Variants in COG6 observed in about 807,000 individuals in gnomAD.
COG6 encodes the protein conserved oligomeric Golgi complex subunit 6.
A neutral mutation model predicts 88.8 loss-of-function variants in COG6; 74 were observed. The observed-to-expected ratio is 0.83, with a 90% CI of 0.69 to 1.01. The LOEUF is 1.01. Ranked by LOEUF, COG6 falls within the 50% of genes least tolerant of loss-of-function variation. The pLI is 0.00. For missense variants in COG6, 800 were observed against 797.9 expected (o/e 1.00, Z -0.03); for synonymous variants, 286 against 278.7 (o/e 1.03, Z -0.26).
rs1459529902 is a variant in COG6 at position 39,751,313 on chromosome 13, TG to T, written c.*221del. On this transcript the variant is annotated 3_prime_UTR_variant, in exon 19 of 19. Coordinates refer to ENST00000455146, the MANE Select transcript of COG6 (RefSeq NM_020751.3). Reference sequence around the variant, plus strand: ...TGCTGTGTATCTACTCTAAATGAGATGATCTATTTTTTTGCTAGCCATCTCT... The same window carrying T: ...TGCTGTGTATCTACTCTAAATGAGATATCTATTTTTTTGCTAGCCATCTCT... 1 of 1,487,248 alleles carries T rather than the reference TG, an allele frequency of 6.7e-7. No individual in the cohort carries two copies. The highest frequency in any genetic ancestry group is 2.0e-5 in the Admixed American group (1 of 49,724). The allele number at this position is 1,487,248 out of a possible 1,614,324, so 92.1% of individuals were successfully genotyped here.
At chr13:39,677,799 A>C (rs549281968) in intron 5 of COG6, among the ~76,000 whole-genome samples, 64 of 152,282 alleles carry the variant, frequency 4.2e-4, no homozygotes, top group African/African-American at 1.5e-3. Flanking sequence ...TATGTCACCT[A>C]TTTTACTCTT....
chr13:39,662,407 A>T (rs902485047), intron 3 of COG6, among the ~76,000 whole-genome samples: 3 of 152,072 alleles, frequency 2.0e-5, no homozygotes, highest in African/African-American at 4.8e-5. Flanking sequence ...GATTACAGAC[A>T]TGAGCCACCA....
At chr13:39,706,846 A>G (rs747800358) in intron 13 of COG6, among the ~76,000 whole-genome samples, 48 of 150,884 alleles carry the variant, frequency 3.2e-4, no homozygotes, top group Non-Finnish European at 6.2e-4. Context: ...ACCATCTCCA[A>G]CTAATTTTTG....
chr13:39,701,652 AAGT>A (rs1055929669), intron 13 of COG6, among the ~76,000 whole-genome samples: 6 of 152,068 alleles, frequency 3.9e-5, no homozygotes, highest in African/African-American at 1.4e-4. Context: ...TAAAGAGTTC[AAGT>A]AGGAGGCTTG....
chr13:39,720,785 T>C (rs1878810531), intron 15 of COG6, among the ~76,000 whole-genome samples: 1 of 152,048 alleles, frequency 6.6e-6, no homozygotes, highest in Non-Finnish European at 1.5e-5. Flanking sequence ...TTTTTTTTAG[T>C]TTTTTGTCTA....
rs564842375 is a variant in COG6, at chr13:39,699,286, A to G, written c.1167-215A>G. On this transcript the variant is annotated intron_variant, in intron 12 of 18. Coordinates refer to ENST00000455146, the MANE Select transcript of COG6 (RefSeq NM_020751.3). ...AAAGAGATTGTGAAATATTGAAAAC[A>G]TAGTAGTTTGTTTTTATTTTTTCAT... Among the ~76,000 whole-genome samples the G allele has an allele frequency of 3.9e-5, 6 of 152,002 alleles. No homozygotes were observed. The South Asian group carries it at 1.0e-3, about 26-fold the overall frequency.
intron 18 of COG6, among the ~76,000 whole-genome samples, chr13:39,764,488 A>G (rs1566043536): frequency 6.6e-6 from 1 of 151,598 alleles, no homozygotes; most frequent in Admixed American, 6.6e-5. Flanking sequence ...TAATGTATTC[A>G]TTTAAATATA....
chr13:39,775,845 C>T (rs1881448392), intron 18 of COG6, among the ~76,000 whole-genome samples: 1 of 151,614 alleles, frequency 6.6e-6, no homozygotes, highest in Non-Finnish European at 1.5e-5. Context: ...TCTCGGCTCA[C>T]TGCGACCTCT....
rs756906700 is a variant in COG6, at chr13:39,655,697, G to A, written c.-30G>A. ...CCTCCGTGGTCCCTGCCTGGCTGAG[G>A]TGGCAGCAGGGGGCGGGACGCGCAG... On this transcript the variant is annotated 5_prime_UTR_variant, in exon 1 of 19. It adds an upstream start codon to the 5' untranslated region. Transcript: ENST00000455146. The A allele has an allele frequency of 1.2e-5, 18 of 1,551,596 alleles. No individual in the cohort carries two copies. Among genetic ancestry groups the A allele is most frequent in the Admixed American group, 5.8e-5 (3 of 51,320 alleles).
intron 13 of COG6, among the ~76,000 whole-genome samples, chr13:39,710,858 CATT>C (rs1878200781): frequency 6.7e-6 from 1 of 149,676 alleles, no homozygotes; most frequent in Non-Finnish European, 1.5e-5. Context: ...TTTTTTTTGA[CATT>C]AGCTTTTGTT....
intron 4 of COG6, among the ~76,000 whole-genome samples, chr13:39,671,053 A>G (rs1875601449): frequency 6.6e-6 from 1 of 151,998 alleles, no homozygotes; most frequent in East Asian, 1.9e-4. Flanking sequence ...TCTCATTTGT[A>G]CATAGTAGCA....
intron 13 of COG6, among the ~76,000 whole-genome samples, chr13:39,702,714 T>C (rs1877653252): frequency 6.6e-6 from 1 of 152,042 alleles, no homozygotes; most frequent in Non-Finnish European, 1.5e-5. Context: ...AAGAAATGAA[T>C]TGTAAATATT....
Position 39,665,691 on chromosome 13 carries a change from CATT to C in COG6, c.428+539_428+541del, listed in dbSNP as rs199760282. 7.8e-3 allele frequency among the ~76,000 whole-genome samples: 1,191 copies of C among 152,258 alleles called. 13 individuals are homozygous for C. The highest frequency in any genetic ancestry group is 0.027 in the African/African-American group (1,119 of 41,544). On this transcript the variant is annotated intron_variant, in intron 4 of 18. Transcript: ENST00000455146. ...AACTCATAGCAATTATGCTAAAACT[CATT>C]AACTGCATCTCTCATGTGTGGAGTA...
intron 4 of COG6, among the ~76,000 whole-genome samples, chr13:39,672,594 T>C (rs1349312189): frequency 6.6e-6 from 1 of 152,104 alleles, no homozygotes; most frequent in Non-Finnish European, 1.5e-5. Context: ...TTTTTATGGC[T>C]GAATAGTATT....
chr13:39,727,007 A>T (rs1275784865), intron 17 of COG6, among the ~76,000 whole-genome samples: 1 of 152,028 alleles, frequency 6.6e-6, no homozygotes, highest in East Asian at 1.9e-4. Flanking sequence ...CTAGGCCATA[A>T]GCTCTGTGAA....
At chr13:39,769,246 T>G (rs1214282198) in intron 18 of COG6, among the ~76,000 whole-genome samples, 1 of 152,212 alleles carries the variant, frequency 6.6e-6, no homozygotes, top group Non-Finnish European at 1.5e-5. Flanking sequence ...TGGAGTGAAA[T>G]TCCTAGGTTA....
intron 18 of COG6, among the ~76,000 whole-genome samples, chr13:39,780,518 A>C (rs1881598503): frequency 6.6e-6 from 1 of 152,198 alleles, no homozygotes. Flanking sequence ...AATATCCATA[A>C]TAATATGGAA....
At position 39,655,779 on chromosome 13, in the gene COG6, A is replaced by G. The variant is rs2137932213; in HGVS notation, c.53A>G (p.Asn18Ser). 4 of 1,596,086 alleles carry G rather than the reference A, an allele frequency of 2.5e-6. No homozygotes were observed. Among genetic ancestry groups the G allele is most frequent in the Non-Finnish European group, 2.6e-6 (3 of 1,171,642 alleles). ...GCAGTGTCTGCGACCGGGGCTGCCAACGGCCTCAACAATGGGGCAGGCGGG... is the reference window on the plus strand; with the variant it reads ...GCAGTGTCTGCGACCGGGGCTGCCAGCGGCCTCAACAATGGGGCAGGCGGG... ...VVAVSATGAA[N>S]GLNNGAGGTS... is the part of the protein sequence containing the mutation. The change falls in exon 1 of 19, where the codon AAC becomes AGC. Residue 18 changes from asparagine to serine, a missense_variant. Physicochemically the swap from Asn to Ser is conservative, Grantham distance 46. Coordinates refer to ENST00000455146, the MANE Select transcript of COG6 (RefSeq NM_020751.3).
Position 39,751,003 on chromosome 13 carries a change from T to C in COG6, c.1884T>C (p.Tyr628=). Reference sequence around the variant, plus strand: ...TCTGCAGAGCCTATGGTGAAGTGTATGCAGCCGTGATGAATCCAATCAATG... The same window carrying C: ...TCTGCAGAGCCTATGGTGAAGTGTACGCAGCCGTGATGAATCCAATCAATG... ...ELVCRAYGEV[Y]AAVMNPINEY... Residue 628 remains tyrosine, a synonymous_variant, in exon 19 of 19, where the codon TAT becomes TAC. Coordinates refer to ENST00000455146, the MANE Select transcript of COG6 (RefSeq NM_020751.3). 3.7e-6 allele frequency: 6 copies of C among 1,613,724 alleles called. No homozygotes were observed. The highest frequency in any genetic ancestry group is 1.1e-5 in the South Asian group (1 of 91,068).
Sources: gnomAD v4.1 joint callset for allele counts (sites outside exome capture counted in the v4.1 genomes callset) on GRCh38, gnomAD v4.1.1 for gene constraint, MANE v1.5 for transcripts, NCBI Gene and HGNC (gene_info 2026-07-23, HGNC 2026-07-21) for gene names.